The following KDM4C variants were observed in gnomAD, a reference collection of about 807,000 sequenced individuals.
KDM4C encodes the protein lysine-specific demethylase 4C.
KDM4C carries 81 observed loss-of-function variants against 129.3 expected under a neutral mutation model. That is an observed-to-expected ratio of 0.63 (90% CI 0.52 to 0.75). The LOEUF (loss-of-function observed/expected upper bound fraction) is 0.75. Ranked by LOEUF, KDM4C falls within the 30% of genes least tolerant of loss-of-function variation. The pLI is 0.00. For synonymous variants in KDM4C, 573 were observed against 456.1 expected (o/e 1.26, Z -3.26); for missense variants, 1,457 against 1,304.0 (o/e 1.12, Z -1.81).
intron 17 of KDM4C, among the ~76,000 whole-genome samples, chr9:7,083,749 C>G (rs1192778212): frequency 4.4e-4 from 18 of 40,694 alleles, no homozygotes; most frequent in South Asian, 2.1e-3. Flanking sequence ...GTGTGTGTGT[C>G]AAGGTGATTG....
intron 5 of KDM4C, among the ~76,000 whole-genome samples, chr9:6,876,580 C>G (rs1017022885): frequency 6.6e-6 from 1 of 152,202 alleles, no homozygotes; most frequent in African/African-American, 2.4e-5. Context: ...TTCTTTCTCT[C>G]TCTTCTCATG....
intron 5 of KDM4C, among the ~76,000 whole-genome samples, chr9:6,864,527 C>G (rs1365748513): frequency 1.3e-5 from 2 of 152,040 alleles, no homozygotes; most frequent in Admixed American, 1.3e-4. Context: ...TTTTCTATAC[C>G]TGGTGTGATC....
At chr9:7,075,462 T>C (rs1833795888) in intron 17 of KDM4C, among the ~76,000 whole-genome samples, 1 of 152,138 alleles carries the variant, frequency 6.6e-6, no homozygotes, top group Non-Finnish European at 1.5e-5. Flanking sequence ...ATGGGTTAAG[T>C]CCTCACTGAC....
intron 21 of KDM4C, 80 bp from the exon 22 acceptor site, chr9:7,174,473 C>G (rs1845265078): frequency 1.4e-6 from 2 of 1,397,578 alleles, no homozygotes; most frequent in Admixed American, 3.5e-5. Context: ...CTAACCCCAG[C>G]TGACCGAGTC....
chr9:7,013,963 T>C lies in KDM4C; in HGVS notation c.2144T>C (p.Leu715Pro). 6.2e-7 allele frequency: 1 copy of C among 1,613,974 alleles called. No homozygotes were observed. The highest frequency in any genetic ancestry group is 8.5e-7 in the Non-Finnish European group (1 of 1,179,880). ...AFLEEDGTSL[L>P]ISCAKCCVRV... ...CTTGAAGAGGATGGAACAAGTCTCC[T>C]TATTTCCTGTGCAAAGTGCTGCGTA... Residue 715 changes from leucine (L) to proline (P), a missense_variant, in exon 14 of 22, where the codon CTT becomes CCT. Coordinates refer to ENST00000381309, the MANE Select transcript of KDM4C (RefSeq NM_015061.6).
At chr9:6,862,075 A>T (rs1331156829) in intron 5 of KDM4C, among the ~76,000 whole-genome samples, 1 of 152,140 alleles carries the variant, frequency 6.6e-6, no homozygotes, top group South Asian at 2.1e-4. Flanking sequence ...CCTGACCTAC[A>T]ATATGTATTT....
chr9:6,985,803 G>A (rs759090647), intron 10 of KDM4C, among the ~76,000 whole-genome samples: 3 of 151,924 alleles, frequency 2.0e-5, no homozygotes, highest in Non-Finnish European at 2.9e-5. Flanking sequence ...CGATTTTTTT[G>A]CCTCAGCCTC....
intron 8 of KDM4C, among the ~76,000 whole-genome samples, chr9:6,929,244 A>T (rs56185621): frequency 6.6e-6 from 1 of 152,022 alleles, no homozygotes; most frequent in Admixed American, 6.5e-5. Context: ...CATTGAAGAC[A>T]CATGTTTAGC....
chr9:7,013,708 G>T, intron 13 of KDM4C, 80 bp from the exon 14 acceptor site: 1 of 1,311,746 alleles, frequency 7.6e-7, no homozygotes, highest in South Asian at 1.3e-5. Context: ...GTCTGGAACA[G>T]GAGTTAGTGG....
intron 18 of KDM4C, among the ~76,000 whole-genome samples, chr9:7,107,355 G>C (rs1837806093): frequency 6.6e-6 from 1 of 152,190 alleles, no homozygotes; most frequent in African/African-American, 2.4e-5. Context: ...CAAATAGTCA[G>C]CTACCTATAC....
intron 1 of KDM4C, among the ~76,000 whole-genome samples, chr9:6,767,566 C>G (rs371114204): frequency 2.0e-5 from 3 of 152,170 alleles, no homozygotes; most frequent in African/African-American, 4.8e-5. Flanking sequence ...TCCCGAGTAG[C>G]TGGGACTACA....
intron 1 of KDM4C, among the ~76,000 whole-genome samples, chr9:6,759,938 C>G (rs1819059156): frequency 7.5e-6 from 1 of 133,272 alleles, no homozygotes; most frequent in Non-Finnish European, 1.6e-5. Flanking sequence ...GAGACTCCAT[C>G]TCAAAAAAAA....
At chr9:6,752,059 C>T (rs540102603) in intron 1 of KDM4C, among the ~76,000 whole-genome samples, 5 of 150,576 alleles carry the variant, frequency 3.3e-5, no homozygotes, top group East Asian at 2.0e-4. Flanking sequence ...GATGGCCGGG[C>T]GCGGTGGCTC....
intron 15 of KDM4C, among the ~76,000 whole-genome samples, chr9:7,029,317 T>C (rs1283694044): frequency 6.7e-6 from 1 of 148,870 alleles, no homozygotes; most frequent in Non-Finnish European, 1.5e-5. Flanking sequence ...TTTTTGCCTA[T>C]ACTGAAAATT....
chr9:6,977,011 T>C (rs1833036118), intron 8 of KDM4C, among the ~76,000 whole-genome samples: 1 of 152,116 alleles, frequency 6.6e-6, no homozygotes, highest in African/African-American at 2.4e-5. Context: ...GATTATGAGA[T>C]TAATTTTTGT....
chr9:6,747,103 G>T lies in KDM4C; in HGVS notation c.49+26106G>T, dbSNP rs191113083. 4.4e-3 allele frequency among the ~76,000 whole-genome samples: 670 copies of T among 151,896 alleles called. 10 individuals are homozygous for T. Among genetic ancestry groups the T allele is most frequent in the African/African-American group, 0.015 (634 of 41,418 alleles). ...AGCTATTCAGGAGTCTGAGGTGGGA[G>T]GATTGCTTGAGCCCAGGGAGTTGGG... On this transcript the variant is annotated intron_variant, in intron 1 of 17. Coordinates refer to the KDM4C transcript ENST00000536108.
rs1426782974 is a variant in KDM4C at position 6,990,517 on chromosome 9, T to C, written c.1779T>C (p.Ser593=). 7 of 1,602,748 alleles carry C rather than the reference T, an allele frequency of 4.4e-6. No individual in the cohort carries two copies. The highest frequency in any genetic ancestry group is 8.5e-7 in the Non-Finnish European group (1 of 1,174,112). The part of the protein sequence containing the change: ...PMTLVKQQAP[S]DEELPEVLSI... Reference sequence around the variant, plus strand: ...CTCTTGTGAAGCAGCAGGCGCCAAGTGATGAAGGTGAGATGGTGACCCTTT... The same window carrying C: ...CTCTTGTGAAGCAGCAGGCGCCAAGCGATGAAGGTGAGATGGTGACCCTTT... Residue 593 remains serine (S), a synonymous_variant, in exon 12 of 22, where the codon AGT becomes AGC. Transcript: ENST00000381309.
At chr9:7,013,566 C>A (rs186107830) in intron 13 of KDM4C, among the ~76,000 whole-genome samples, 2 of 152,250 alleles carry the variant, frequency 1.3e-5, no homozygotes, top group African/African-American at 4.8e-5. Context: ...CTTATATGAA[C>A]AGACATATAG....
At chr9:7,165,103 C>A (rs759236351) in intron 19 of KDM4C, 135 bp from the exon 20 acceptor site, 9 of 1,023,174 alleles carry the variant, frequency 8.8e-6, no homozygotes, top group Non-Finnish European at 1.3e-5. Flanking sequence ...CCCCTGAACA[C>A]CCATGCGAGA....
Sources: allele counts gnomAD v4.1 joint callset (sites outside exome capture counted in the v4.1 genomes callset), GRCh38; gene constraint gnomAD v4.1.1; transcripts MANE v1.5; gene names NCBI Gene and HGNC (gene_info 2026-07-23, HGNC 2026-07-21).